The following ROS1 variants were observed in gnomAD, a reference collection of about 807,000 sequenced individuals.
ROS1 encodes ROS proto-oncogene 1, receptor tyrosine kinase.
Under a neutral mutation model 273.5 loss-of-function variants are expected in ROS1, and 263 were observed. The observed-to-expected ratio is 0.96, with a 90% CI of 0.87 to 1.06. The LOEUF (loss-of-function observed/expected upper bound fraction) is 1.06, where lower values mean the gene tolerates loss of function less well. ROS1 is among the 50% of genes least tolerant of loss of function. ROS1 has a pLI of 0.00. For synonymous variants in ROS1, 1,008 were observed against 954.1 expected, an observed-to-expected ratio of 1.06 and a Z score of -1.04; for missense variants, 2,833 against 2,751.1, an observed-to-expected ratio of 1.03 and a Z score of -0.67.
intron 29 of ROS1, among the ~76,000 whole-genome samples, chr6:117,342,081 C>T (rs1777979520): frequency 6.6e-6 from 1 of 152,118 alleles, no homozygotes; most frequent in African/African-American, 2.4e-5. Context: ...TAGCTCACCA[C>T]ATGTACAGAA....
chr6:117,390,230 G>A (rs1373334104), intron 12 of ROS1, among the ~76,000 whole-genome samples: 3 of 152,178 alleles, frequency 2.0e-5, no homozygotes, highest in Admixed American at 2.0e-4. Flanking sequence ...GGGTTCAGGT[G>A]ATCCTCCCAC....
At position 117,306,697 on chromosome 6, in the gene ROS1, G is replaced by A. The variant is rs549893593; in HGVS notation, c.6551+2097C>T. Among the ~76,000 whole-genome samples, 6 of 152,266 alleles carry A rather than the reference G, an allele frequency of 3.9e-5. No individual in the cohort carries two copies. The South Asian group carries it at 6.2e-4, about 16-fold the overall frequency. ...TCAGTGCAGACTTTCAAACCCCTAA[G>A]CTGGGCCTGTGATCTCAGAAAACTG... On this transcript the variant is annotated intron_variant, in intron 42 of 43. Transcript: ENST00000368507.
At position 117,288,596 on chromosome 6, in the gene ROS1, C is replaced by A. The variant is rs771164515; in HGVS notation, c.6922G>T (p.Asp2308Tyr). Reference protein sequence around the residue: ...KEEKEPHADKDFCQEKQVAYC... With the variant: ...KEEKEPHADKYFCQEKQVAYC... ...GCCACTTGTTTTTCTTGGCAGAAATCTTTGTCTGCATGTGGTTCCTTCTCT... is the reference window on the plus strand; with the variant it reads ...GCCACTTGTTTTTCTTGGCAGAAATATTTGTCTGCATGTGGTTCCTTCTCT... The change falls in exon 44 of 44, where the codon GAT becomes TAT. Residue 2308 changes from aspartate (D) to tyrosine (Y), a missense_variant. Asp to Tyr is a radical substitution (Grantham distance 160). Coordinates refer to ENST00000368507, the MANE Select transcript of ROS1 (RefSeq NM_001378902.1). 1.2e-6 allele frequency: 2 copies of A among 1,614,044 alleles called. No individual in the cohort carries two copies. The highest frequency in any genetic ancestry group is 1.6e-4 in the Middle Eastern group (1 of 6,084).
chr6:117,314,822 C>T (rs1775793856), intron 39 of ROS1, among the ~76,000 whole-genome samples: 2 of 152,118 alleles, frequency 1.3e-5, no homozygotes, highest in Middle Eastern at 3.2e-3. Context: ...TTGGAGGACC[C>T]CCAGTGGAAG....
rs751524012 is a variant in ROS1 at position 117,425,518 on chromosome 6, A to G, written c.123+16T>C. 4 of 1,573,308 alleles carry G rather than the reference A, an allele frequency of 2.5e-6. No homozygotes were observed. Among genetic ancestry groups the G allele is most frequent in the Non-Finnish European group, 3.4e-6 (4 of 1,165,974 alleles). On this transcript the variant is annotated intron_variant, in intron 1 of 43. Coordinates refer to ENST00000368507, the MANE Select transcript of ROS1 (RefSeq NM_001378902.1). ...TCTAGTTCCTGCAAAGACAAATATTAGATTGTGAGACTTACCAGATTAGTT... is the reference window on the plus strand; with the variant it reads ...TCTAGTTCCTGCAAAGACAAATATTGGATTGTGAGACTTACCAGATTAGTT...
Position 117,396,974 on chromosome 6 carries a change from A to G in ROS1, c.747T>C (p.Asp249=). The part of the protein sequence containing the change: ...LRLISKNQKL[D]AGTQRTSFQF... ...GGAAACTGGTTCTCTGTGTCCCTGC[A>G]TCTAATTTTTGATTTTTGCTGATCA... Residue 249 remains aspartate (D), a synonymous_variant, in exon 8 of 44, where the codon GAT becomes GAC. Coordinates refer to ENST00000368507, the MANE Select transcript of ROS1 (RefSeq NM_001378902.1). 6 of 1,614,160 alleles carry G rather than the reference A, an allele frequency of 3.7e-6. No homozygotes were observed.
At chr6:117,401,382 T>A (rs185904113) in intron 7 of ROS1, among the ~76,000 whole-genome samples, 11 of 152,324 alleles carry the variant, frequency 7.2e-5, no homozygotes, top group Non-Finnish European at 1.3e-4. Flanking sequence ...GTACTCCTTA[T>A]CAGGGTCAGT....
chr6:117,301,314 C>T, intron 42 of ROS1, 177 bp from the exon 43 acceptor site: 1 of 496,204 alleles, frequency 2.0e-6, no homozygotes, highest in East Asian at 3.5e-5. Flanking sequence ...TTTAACATTA[C>T]TACGTTTATT....
intron 12 of ROS1, among the ~76,000 whole-genome samples, chr6:117,392,850 C>G (rs1773174687): frequency 6.6e-6 from 1 of 152,048 alleles, no homozygotes; most frequent in African/African-American, 2.4e-5. Context: ...GCAAAAGGAA[C>G]AGGTGGAATG....
chr6:117,311,583 T>A (rs539861317), intron 39 of ROS1, among the ~76,000 whole-genome samples: 1 of 152,110 alleles, frequency 6.6e-6, no homozygotes, highest in Non-Finnish European at 1.5e-5. Context: ...TCATAAGTAG[T>A]CAAAATGATC....
chr6:117,292,616 A>G (rs1316624134), intron 43 of ROS1, among the ~76,000 whole-genome samples: 1 of 152,146 alleles, frequency 6.6e-6, no homozygotes, highest in Non-Finnish European at 1.5e-5. Context: ...CTGGACTTCA[A>G]CCATCTATAT....
In ROS1 at chr6:117,356,842, G is replaced by A. The variant is rs761092788; in HGVS notation, c.3913C>T (p.His1305Tyr). The stretch of plus-strand genomic sequence containing the variant: ...GTAGCTGTGGGTTGCAGAATTCGGT[G>A]CAAGGTGTGACTGATAATACTGTAG... The part of the protein sequence containing the change: ...FYYSIISHTL[H>Y]RILQPTATNQ... The change falls in exon 26 of 44, where the codon CAC becomes TAC. Residue 1305 changes from histidine to tyrosine, a missense_variant. Physicochemically the swap from His to Tyr is moderately conservative, Grantham distance 83. Coordinates refer to ENST00000368507, the MANE Select transcript of ROS1 (RefSeq NM_001378902.1). The A allele has an allele frequency of 2.5e-6, 4 of 1,614,124 alleles. No homozygotes were observed. The highest frequency in any genetic ancestry group is 3.4e-6 in the Non-Finnish European group (4 of 1,179,988).
intron 4 of ROS1, among the ~76,000 whole-genome samples, chr6:117,412,619 GA>G (rs1775010358): frequency 6.6e-6 from 1 of 152,064 alleles, no homozygotes; most frequent in South Asian, 2.1e-4. Context: ...TAGATAGATA[GA>G]TAGATAGATA....
Position 117,365,142 on chromosome 6 carries a change from G to C in ROS1, c.3021C>G (p.Ala1007=). The stretch of plus-strand genomic sequence containing the variant: ...AAGGAGTGACAGAAAGATTAAATAA[G>C]GCATAAGGTTCCAGTCCTTCCACAG... ...VFTVEGLEPY[A]LFNLSVTPYT... is the part of the protein sequence containing the mutation. The change falls in exon 21 of 44, where the codon GCC becomes GCG. Residue 1007 remains alanine, a synonymous_variant. Transcript: ENST00000368507. 7 of 1,613,270 alleles carry C rather than the reference G, an allele frequency of 4.3e-6. No individual in the cohort carries two copies. The highest frequency in any genetic ancestry group is 5.9e-6 in the Non-Finnish European group (7 of 1,179,274).
intron 12 of ROS1, among the ~76,000 whole-genome samples, chr6:117,390,605 A>G (rs1772988965): frequency 6.6e-6 from 1 of 152,230 alleles, no homozygotes; most frequent in Non-Finnish European, 1.5e-5. Context: ...CATTTAAACC[A>G]TTTTTAATTG....
intron 23 of ROS1, 69 bp downstream of exon 23, chr6:117,360,273 G>GAC (rs36181502): frequency 0.067 from 48,873 of 726,490 alleles, 8 homozygotes; most frequent in Non-Finnish European, 0.079. Flanking sequence ...ACACCAATGG[G>GAC]ACACACACAC....
At chr6:117,422,876 C>T (rs1178892176) in intron 1 of ROS1, among the ~76,000 whole-genome samples, 1 of 151,914 alleles carries the variant, frequency 6.6e-6, no homozygotes, top group Non-Finnish European at 1.5e-5. Flanking sequence ...ATTGCATCCA[C>T]CACAGAGCTG....
At chr6:117,405,254 C>T (rs917196234) in intron 5 of ROS1, among the ~76,000 whole-genome samples, 3 of 152,160 alleles carry the variant, frequency 2.0e-5, no homozygotes, top group Admixed American at 1.3e-4. Flanking sequence ...CAATTCTCAT[C>T]ATTACCAACA....
At chr6:117,368,383 A>G (rs757479046) in intron 18 of ROS1, among the ~76,000 whole-genome samples, 1 of 152,204 alleles carries the variant, frequency 6.6e-6, no homozygotes, top group Admixed American at 6.5e-5. Flanking sequence ...CAGTACCTCA[A>G]ATAGGTTTAC....
Sources: allele counts gnomAD v4.1 joint callset (sites outside exome capture counted in the v4.1 genomes callset), GRCh38; gene constraint gnomAD v4.1.1; transcripts MANE v1.5; gene names NCBI Gene and HGNC (gene_info 2026-07-23, HGNC 2026-07-21).